TMEM132D: variants seen among roughly 807,000 people sequenced by gnomAD.
TMEM132D encodes the protein mature OL transmembrane protein.
Under a neutral mutation model 62.3 loss-of-function variants are expected in TMEM132D, and 21 were observed. The ratio of observed to expected loss-of-function variants is 0.34; its 90% CI spans 0.24 to 0.49. The LOEUF (loss-of-function observed/expected upper bound fraction) is 0.49, where lower values mean the gene tolerates loss of function less well. TMEM132D is among the 20% of genes least tolerant of loss of function. TMEM132D has a pLI of 0.99. For missense variants in TMEM132D, 1,346 were observed against 1,402.8 expected (o/e 0.96, Z 0.65); for synonymous variants, 621 against 575.6 (o/e 1.08, Z -1.13).
chr12:129,705,763 AG>A (rs1202303413), intron 1 of TMEM132D, among the ~76,000 whole-genome samples: 2 of 152,170 alleles, frequency 1.3e-5, no homozygotes, highest in African/African-American at 4.8e-5. Flanking sequence ...TCAGATAGAG[AG>A]TTTCAAATAC....
At chr12:129,108,286 C>T (rs1157015492) in intron 5 of TMEM132D, among the ~76,000 whole-genome samples, 2 of 152,132 alleles carry the variant, frequency 1.3e-5, no homozygotes, top group East Asian at 3.9e-4. Flanking sequence ...ACTGGCTTCT[C>T]CATGTTCACC....
intron 1 of TMEM132D, among the ~76,000 whole-genome samples, chr12:129,773,958 A>G (rs1245890860): frequency 6.6e-6 from 1 of 152,238 alleles, no homozygotes; most frequent in African/African-American, 2.4e-5. Flanking sequence ...GACAATGCAT[A>G]TAAACCTGGT....
intron 5 of TMEM132D, among the ~76,000 whole-genome samples, chr12:129,117,912 C>T (rs1442189536): frequency 6.6e-6 from 1 of 152,192 alleles, no homozygotes; most frequent in Non-Finnish European, 1.5e-5. Flanking sequence ...GGTATCAACT[C>T]ATGGCTAAAA....
intron 2 of TMEM132D, among the ~76,000 whole-genome samples, chr12:129,668,262 A>G (rs1565942788): frequency 6.8e-6 from 1 of 147,910 alleles, no homozygotes; most frequent in Non-Finnish European, 1.5e-5. Flanking sequence ...ACTAAATTAT[A>G]TCAACATTAT....
rs368661120 is a variant in TMEM132D at position 129,320,573 on chromosome 12, G to C, written c.1299+17061C>G. Among the ~76,000 whole-genome samples the C allele has an allele frequency of 3.9e-5, 6 of 152,296 alleles. No homozygotes were observed. In the South Asian group the frequency reaches 6.2e-4, roughly 16 times the overall value. ...GGTTAGACCACGTAGGCTAGGTTTT[G>C]TTTGCCATGTGAAGTATTCTGGTGT... On this transcript the variant is annotated intron_variant, in intron 4 of 8. Transcript: ENST00000422113.
intron 5 of TMEM132D, among the ~76,000 whole-genome samples, chr12:129,119,067 T>C (rs1010456076): frequency 1.3e-5 from 2 of 152,184 alleles, no homozygotes; most frequent in African/African-American, 2.4e-5. Context: ...GCATTTTCCA[T>C]TGGCTGTTTC....
chr12:129,237,726 C>A (rs1237238337), intron 4 of TMEM132D, among the ~76,000 whole-genome samples: 1 of 152,118 alleles, frequency 6.6e-6, no homozygotes, highest in Non-Finnish European at 1.5e-5. Flanking sequence ...TGCCTGTAAT[C>A]CCAGCACTTT....
At chr12:129,183,411 G>A (rs953125422) in intron 5 of TMEM132D, among the ~76,000 whole-genome samples, 8 of 152,192 alleles carry the variant, frequency 5.3e-5, no homozygotes, top group Non-Finnish European at 1.5e-5. Flanking sequence ...GCCATTTCTA[G>A]CCTTGGTTTT....
At chr12:129,783,565 T>C (rs1334871237) in intron 1 of TMEM132D, among the ~76,000 whole-genome samples, 1 of 152,156 alleles carries the variant, frequency 6.6e-6, no homozygotes, top group East Asian at 1.9e-4. Context: ...AGGGCCCTGA[T>C]GTGCAGAGGG....
chr12:129,684,916 A>C (rs1880870049), intron 2 of TMEM132D, among the ~76,000 whole-genome samples: 1 of 152,148 alleles, frequency 6.6e-6, no homozygotes, highest in African/African-American at 2.4e-5. Context: ...CTGTGGATTG[A>C]GAGATTGAAA....
rs946268601 is a variant in TMEM132D, at chr12:129,496,276, T to C, written c.1115+34783A>G. On this transcript the variant is annotated intron_variant, in intron 3 of 8. Transcript: ENST00000422113. ...GACGGCAGGGGTGAGTTTTCAGGTA[T>C]ATGTGCACTCACAGAAATTACTAAG... Among the ~76,000 whole-genome samples, 6 of 152,326 alleles carry C rather than the reference T, an allele frequency of 3.9e-5. No homozygotes were observed. In the South Asian group the frequency reaches 1.0e-3, roughly 26 times the overall value.
chr12:129,474,092 G>T (rs1043780693), intron 3 of TMEM132D, among the ~76,000 whole-genome samples: 1 of 152,092 alleles, frequency 6.6e-6, no homozygotes. Flanking sequence ...CTTCGCCTCC[G>T]AATAGTTCCA....
intron 3 of TMEM132D, among the ~76,000 whole-genome samples, chr12:129,520,417 T>C (rs1875816223): frequency 6.6e-6 from 1 of 152,212 alleles, no homozygotes; most frequent in African/African-American, 2.4e-5. Flanking sequence ...AATTCATTAG[T>C]AGTGACTCCT....
At chr12:129,209,374 T>A (rs957971107) in intron 5 of TMEM132D, 146 bp downstream of exon 5, 9 of 995,596 alleles carry the variant, frequency 9.0e-6, no homozygotes, top group Non-Finnish European at 1.2e-5. Context: ...ATGTCCTGAT[T>A]TAAGTGGCAG....
chr12:129,828,203 T>C (rs147302761), intron 1 of TMEM132D, among the ~76,000 whole-genome samples: 1 of 152,306 alleles, frequency 6.6e-6, no homozygotes, highest in East Asian at 1.9e-4. Context: ...TCACCCTCTT[T>C]GCAATGGCTC....
chr12:129,488,015 C>T (rs979744246), intron 3 of TMEM132D, among the ~76,000 whole-genome samples: 7 of 148,100 alleles, frequency 4.7e-5, no homozygotes, highest in African/African-American at 1.3e-4. Flanking sequence ...TAGGGAGAAA[C>T]GGCCCCTTGT....
chr12:129,423,724 A>C (rs374166381), intron 3 of TMEM132D, among the ~76,000 whole-genome samples: 1 of 152,182 alleles, frequency 6.6e-6, no homozygotes, highest in East Asian at 1.9e-4. Flanking sequence ...GCCTTCCTCA[A>C]CACGAACTTT....
At chr12:129,133,398 A>G (rs1408694279) in intron 5 of TMEM132D, among the ~76,000 whole-genome samples, 1 of 152,220 alleles carries the variant, frequency 6.6e-6, no homozygotes, top group African/African-American at 2.4e-5. Context: ...CGTATAATCA[A>G]ATATTATTCA....
At chr12:129,437,830 G>C (rs7972310) in intron 3 of TMEM132D, among the ~76,000 whole-genome samples, 2 of 150,088 alleles carry the variant, frequency 1.3e-5, no homozygotes, top group African/African-American at 2.5e-5. Context: ...ATGGTGGTTT[G>C]CTGCACCCAT....
Sources: gnomAD v4.1 joint callset for allele counts (sites outside exome capture counted in the v4.1 genomes callset) on GRCh38, gnomAD v4.1.1 for gene constraint, MANE v1.5 for transcripts, NCBI Gene and HGNC (gene_info 2026-07-23, HGNC 2026-07-21) for gene names.